ATRN: variants seen among roughly 807,000 people sequenced by gnomAD.
ATRN encodes the protein attractin-2.
A neutral mutation model predicts 178.7 loss-of-function variants in ATRN; 54 were observed. The ratio of observed to expected loss-of-function variants is 0.30; its 90% CI spans 0.24 to 0.38. The LOEUF is 0.38. ATRN is among the 10% of genes least tolerant of loss of function. The pLI, the probability that ATRN is intolerant of heterozygous loss-of-function variation, is 1.00. For synonymous variants in ATRN, 636 were observed against 663.0 expected (o/e 0.96, Z 0.63); for missense variants, 1,443 against 1,815.1 (o/e 0.79, Z 3.73).
intron 25 of ATRN, among the ~76,000 whole-genome samples, chr20:3,628,431 A>G (rs1391998552): frequency 6.6e-6 from 1 of 152,194 alleles, no homozygotes; most frequent in East Asian, 1.9e-4. Flanking sequence ...CCGTGGTCCA[A>G]AAACATTAAG....
chr20:3,607,696 G>C (rs879237911), intron 24 of ATRN, among the ~76,000 whole-genome samples: 1 of 152,214 alleles, frequency 6.6e-6, no homozygotes, highest in Non-Finnish European at 1.5e-5. Flanking sequence ...AGAGCATGCA[G>C]TATCTCTCCA....
rs551812551 is a variant in ATRN, at chr20:3,555,631, A to G, written c.1113-3762A>G. ...ACTGCACTCTCATCTGAGCCCCAAC[A>G]TTTCCTTAGACTTCAGAAGAGTAGA... On this transcript the variant is annotated intron_variant, in intron 6 of 28. Coordinates refer to ENST00000262919, the MANE Select transcript of ATRN (RefSeq NM_139321.3). Among the ~76,000 whole-genome samples the G allele has an allele frequency of 1.3e-4, 20 of 152,204 alleles. 1 individual carries two copies. In the South Asian group the frequency reaches 2.5e-3, roughly 19 times the overall value.
At chr20:3,534,008 A>G (rs1212682999) in intron 1 of ATRN, among the ~76,000 whole-genome samples, 1 of 152,186 alleles carries the variant, frequency 6.6e-6, no homozygotes, top group African/African-American at 2.4e-5. Context: ...GGCAAGGGGC[A>G]TGGGAAAACA....
At chr20:3,530,231 A>AT (rs1491465618) in intron 1 of ATRN, among the ~76,000 whole-genome samples, 2 of 147,502 alleles carry the variant, frequency 1.4e-5, no homozygotes, top group African/African-American at 4.9e-5. Flanking sequence ...ATATATATAT[A>AT]ATATATATAT....
chr20:3,587,193 T>C (rs1290937259), intron 18 of ATRN, among the ~76,000 whole-genome samples: 2 of 152,194 alleles, frequency 1.3e-5, no homozygotes, highest in Non-Finnish European at 2.9e-5. Flanking sequence ...TTCACTTTCT[T>C]AATATGCCTT....
chr20:3,556,853 A>G (rs1053093302), intron 6 of ATRN, among the ~76,000 whole-genome samples: 3 of 151,886 alleles, frequency 2.0e-5, no homozygotes, highest in African/African-American at 7.3e-5. Flanking sequence ...CTGATGGTTC[A>G]CCTTAGCCAG....
At chr20:3,506,255 G>A (rs1302692974) in intron 1 of ATRN, among the ~76,000 whole-genome samples, 1 of 152,200 alleles carries the variant, frequency 6.6e-6, no homozygotes, top group Non-Finnish European at 1.5e-5. Flanking sequence ...ATAACTGCAT[G>A]TGAGTCTGCT....
chr20:3,620,519 T>TAC (rs3215676), intron 24 of ATRN, among the ~76,000 whole-genome samples: 69,805 of 151,982 alleles, frequency 0.46, 17,742 homozygotes, highest in African/African-American at 0.69. Context: ...GTACTGGGAT[T>TAC]AGGCGTGAGC....
intron 1 of ATRN, among the ~76,000 whole-genome samples, chr20:3,509,659 A>G (rs540911231): frequency 6.6e-6 from 1 of 152,134 alleles, no homozygotes; most frequent in South Asian, 2.1e-4. Flanking sequence ...GTGCACCACC[A>G]TGCCCGGCTA....
intron 5 of ATRN, among the ~76,000 whole-genome samples, chr20:3,548,767 T>C (rs1002636363): frequency 3.3e-5 from 5 of 152,230 alleles, no homozygotes; most frequent in Non-Finnish European, 7.3e-5. Flanking sequence ...CACTAGTTTA[T>C]ATTAGGGACC....
At chr20:3,547,516 T>C (rs1475410927) in intron 5 of ATRN, 27 bp downstream of exon 5, 1 of 1,550,442 alleles carries the variant, frequency 6.4e-7, no homozygotes. Context: ...TTTTTATTTT[T>C]TCTTCCATTT....
chr20:3,567,770 A>G (rs1352673877), intron 11 of ATRN, among the ~76,000 whole-genome samples: 1 of 152,186 alleles, frequency 6.6e-6, no homozygotes, highest in Non-Finnish European at 1.5e-5. Context: ...GCTGTGACAT[A>G]CCAAGGCGGC....
At chr20:3,556,803 G>A (rs1411396048) in intron 6 of ATRN, among the ~76,000 whole-genome samples, 1 of 151,114 alleles carries the variant, frequency 6.6e-6, no homozygotes, top group Non-Finnish European at 1.5e-5. Context: ...TTTTTTCTCT[G>A]TGTTGAGAGA....
In ATRN at chr20:3,517,435, A is replaced by G. The variant is rs569281555; in HGVS notation, c.411-17818A>G. On this transcript the variant is annotated intron_variant, in intron 1 of 28. Transcript: ENST00000262919. ...CTTTTTACTTTTTCTCCATTTTCCA[A>G]ATTTTCTGCACTGACCATGCAGAAA... 2.8e-4 allele frequency among the ~76,000 whole-genome samples: 43 copies of G among 152,206 alleles called. No homozygotes were observed. In the Middle Eastern group the frequency reaches 0.01, roughly 36 times the overall value.
intron 12 of ATRN, among the ~76,000 whole-genome samples, chr20:3,575,209 G>T (rs1026591476): frequency 6.6e-6 from 1 of 152,110 alleles, no homozygotes; most frequent in African/African-American, 2.4e-5. Flanking sequence ...TGATCCGCCC[G>T]CCTCGGCCTC....
chr20:3,539,889 A>G (rs562022968), intron 2 of ATRN, among the ~76,000 whole-genome samples: 453 of 152,264 alleles, frequency 3.0e-3, no homozygotes, highest in Non-Finnish European at 4.5e-3. Flanking sequence ...AGGCATGTTT[A>G]TGAAATGACG....
chr20:3,607,872 C>T (rs1456501445), intron 24 of ATRN, among the ~76,000 whole-genome samples: 1 of 152,130 alleles, frequency 6.6e-6, no homozygotes, highest in Non-Finnish European at 1.5e-5. Flanking sequence ...TGTATCCTCG[C>T]CAGCATCTGT....
chr20:3,575,750 A>ATT, intron 12 of ATRN, 77 bp from the exon 13 acceptor site: 11 of 1,354,710 alleles, frequency 8.1e-6, no homozygotes, highest in South Asian at 3.0e-5. Flanking sequence ...CATTGTTACG[A>ATT]TTTTTTTTTT....
intron 6 of ATRN, among the ~76,000 whole-genome samples, chr20:3,559,051 TAAAAG>T (rs1020649053): frequency 1.5e-4 from 23 of 152,182 alleles, no homozygotes; most frequent in Admixed American, 9.2e-4. Flanking sequence ...CATGATTAAA[TAAAAG>T]AAAAGTTATT....
Sources: gnomAD v4.1 joint callset for allele counts (sites outside exome capture counted in the v4.1 genomes callset) on GRCh38, gnomAD v4.1.1 for gene constraint, MANE v1.5 for transcripts, NCBI Gene and HGNC (gene_info 2026-07-23, HGNC 2026-07-21) for gene names.